The following TRPC6 variants were observed in gnomAD, a reference collection of about 807,000 sequenced individuals.
The protein encoded by TRPC6 is transient receptor potential cation channel subfamily C member 6.
Under a neutral mutation model 90.7 loss-of-function variants are expected in TRPC6, and 55 were observed. That is an observed-to-expected ratio of 0.61 (90% confidence interval 0.49 to 0.76). TRPC6 has a LOEUF of 0.76. Ranked by LOEUF, TRPC6 falls within the 30% of genes least tolerant of loss-of-function variation. The pLI, the probability that TRPC6 is intolerant of heterozygous loss-of-function variation, is 0.00. For synonymous variants in TRPC6, 393 were observed against 393.0 expected (o/e 1.00, Z 0.00); for missense variants, 989 against 1,122.7 (o/e 0.88, Z 1.70).
chr11:101,476,273 A>G (rs2136678364), intron 6 of TRPC6, 28 bp downstream of exon 6: 1 of 1,592,972 alleles, frequency 6.3e-7, no homozygotes, highest in Middle Eastern at 1.7e-4. Flanking sequence ...CTGCATTTTT[A>G]TTTATATTGA....
chr11:101,466,068 C>A (rs1044518554), intron 10 of TRPC6, among the ~76,000 whole-genome samples: 9 of 152,174 alleles, frequency 5.9e-5, no homozygotes, highest in African/African-American at 1.9e-4. Context: ...GAGGTCCACT[C>A]CAGACCCTGT....
chr11:101,516,108 G>GAGAAAA (rs1860514184), intron 1 of TRPC6, among the ~76,000 whole-genome samples: 1 of 133,320 alleles, frequency 7.5e-6, no homozygotes, highest in East Asian at 2.2e-4. Context: ...ATGCAGCTGG[G>GAGAAAA]AAAAAAAAAA....
In TRPC6 at chr11:101,510,763, G is replaced by T. The variant is rs1212149609; in HGVS notation, c.171-5965C>A. Among the ~76,000 whole-genome samples the T allele has an allele frequency of 2.6e-5, 4 of 152,110 alleles. No individual in the cohort carries two copies. In the East Asian group the frequency reaches 7.7e-4, roughly 29 times the overall value. On this transcript the variant is annotated intron_variant, in intron 1 of 12. Transcript: ENST00000344327. The stretch of plus-strand genomic sequence containing the variant: ...TAATCCATCTCTATTGAAAATGCCA[G>T]CAATGCAAATTAGCTTCTGAGTAGA...
chr11:101,538,782 G>A (rs1415694601), intron 1 of TRPC6, among the ~76,000 whole-genome samples: 1 of 152,196 alleles, frequency 6.6e-6, no homozygotes, highest in South Asian at 2.1e-4. Flanking sequence ...CTTTGAAGAT[G>A]AAGAGAGTCA....
At chr11:101,548,161 A>G (rs889654109) in intron 1 of TRPC6, among the ~76,000 whole-genome samples, 1 of 150,360 alleles carries the variant, frequency 6.7e-6, no homozygotes, top group Non-Finnish European at 1.5e-5. Flanking sequence ...GTTTTCTAAA[A>G]TATTCTCTCT....
At chr11:101,563,920 T>C (rs1056159385) in intron 1 of TRPC6, among the ~76,000 whole-genome samples, 2 of 152,184 alleles carry the variant, frequency 1.3e-5, no homozygotes, top group Non-Finnish European at 2.9e-5. Flanking sequence ...GAGAAAGAGA[T>C]GACCAGAGGA....
chr11:101,532,754 CAG>C (rs10543517), intron 1 of TRPC6, among the ~76,000 whole-genome samples: 18,755 of 152,094 alleles, frequency 0.12, 1,294 homozygotes, highest in Admixed American at 0.18. Context: ...AGTAGCATGA[CAG>C]AGGAGTGTGG....
intron 1 of TRPC6, among the ~76,000 whole-genome samples, chr11:101,550,119 A>C (rs951391600): frequency 3.3e-5 from 5 of 151,614 alleles, no homozygotes; most frequent in African/African-American, 9.7e-5. Context: ...GTCTAAAAAG[A>C]ATCTAAATTT....
At chr11:101,483,265 G>T in intron 4 of TRPC6, 100 bp from the exon 5 acceptor site, 3 of 1,176,872 alleles carry the variant, frequency 2.5e-6, no homozygotes, top group Non-Finnish European at 3.7e-6. Context: ...ACATTCCAAT[G>T]ATCTCCTGAG....
intron 2 of TRPC6, among the ~76,000 whole-genome samples, chr11:101,502,737 A>AAC (rs1860160131): frequency 6.6e-6 from 1 of 152,178 alleles, no homozygotes; most frequent in Non-Finnish European, 1.5e-5. Flanking sequence ...AGGTAGCTGG[A>AAC]GGAAAAGCAC....
chr11:101,475,118 A>G (rs1859381684), intron 6 of TRPC6, among the ~76,000 whole-genome samples: 1 of 152,130 alleles, frequency 6.6e-6, no homozygotes, highest in Non-Finnish European at 1.5e-5. Flanking sequence ...CCTGGATTTT[A>G]TCAGTGTTAG....
chr11:101,507,010 C>CTA (rs1860286452), intron 1 of TRPC6, among the ~76,000 whole-genome samples: 1 of 99,454 alleles, frequency 1.0e-5, no homozygotes, highest in East Asian at 3.1e-4. Context: ...CTCTCTAACA[C>CTA]ACACACACAC....
chr11:101,521,639 C>A (rs1263779464), intron 1 of TRPC6, among the ~76,000 whole-genome samples: 5 of 152,238 alleles, frequency 3.3e-5, no homozygotes, highest in African/African-American at 1.2e-4. Flanking sequence ...TGACAGTTTG[C>A]ACTGTGAACC....
intron 10 of TRPC6, among the ~76,000 whole-genome samples, chr11:101,461,933 T>C (rs1349984097): frequency 6.6e-6 from 1 of 152,214 alleles, no homozygotes; most frequent in Admixed American, 6.5e-5. Context: ...CCTACCATGT[T>C]CCTTGCTAGG....
At chr11:101,503,972 A>G in intron 2 of TRPC6, 52 bp downstream of exon 2, 1 of 1,611,634 alleles carries the variant, frequency 6.2e-7, no homozygotes, top group Non-Finnish European at 8.5e-7. Context: ...GCTGGTAAAT[A>G]CACCTTGACT....
At chr11:101,482,328 G>T (rs1384522531) in intron 5 of TRPC6, among the ~76,000 whole-genome samples, 1 of 152,012 alleles carries the variant, frequency 6.6e-6, no homozygotes, top group Non-Finnish European at 1.5e-5. Context: ...ATATTTAATG[G>T]CAAGCTACAT....
rs867713895 is a variant in TRPC6, at chr11:101,583,847, G to C, written c.-344C>G. ...GTAAGAGCGGAGAGCAAGGGAGACG[G>C]AGCTGAAGAGTTACTATGTCAACAG... On this transcript the variant is annotated 5_prime_UTR_variant, in exon 1 of 13. Coordinates refer to ENST00000344327, the MANE Select transcript of TRPC6 (RefSeq NM_004621.6). 2 of 259,598 alleles carry C rather than the reference G, an allele frequency of 7.7e-6. No homozygotes were observed. The highest frequency in any genetic ancestry group is 5.4e-5 in the Admixed American group (1 of 18,394). The allele number at this position is 259,598 out of a possible 1,614,324, so 16.1% of individuals were successfully genotyped here.
chr11:101,570,311 A>G (rs1861931826), intron 1 of TRPC6, among the ~76,000 whole-genome samples: 1 of 152,220 alleles, frequency 6.6e-6, no homozygotes, highest in Non-Finnish European at 1.5e-5. Context: ...CACCCTCCCA[A>G]GACTAATCCA....
At chr11:101,562,676 C>T (rs1861741575) in intron 1 of TRPC6, among the ~76,000 whole-genome samples, 1 of 152,098 alleles carries the variant, frequency 6.6e-6, no homozygotes, top group African/African-American at 2.4e-5. Flanking sequence ...GTGCCTTTGT[C>T]CTTCTTTCTG....
Sources: allele counts gnomAD v4.1 joint callset (sites outside exome capture counted in the v4.1 genomes callset), GRCh38; gene constraint gnomAD v4.1.1; transcripts MANE v1.5; gene names NCBI Gene and HGNC (gene_info 2026-07-23, HGNC 2026-07-21).